The following USP45 variants were observed in gnomAD, a reference collection of about 807,000 sequenced individuals.
The protein encoded by USP45 is ubiquitin carboxyl-terminal hydrolase 45.
In USP45, 89 loss-of-function variants were observed where a neutral mutation model predicts 95.8. That is an observed-to-expected ratio of 0.93 (90% CI 0.78 to 1.11). The LOEUF (loss-of-function observed/expected upper bound fraction) is 1.11, where lower values mean the gene tolerates loss of function less well. Ranked by LOEUF, USP45 falls within the 50% of genes least tolerant of loss-of-function variation. The pLI is 0.00. For missense variants in USP45, 898 were observed against 942.5 expected (o/e 0.95, Z 0.62); for synonymous variants, 281 against 316.2 (o/e 0.89, Z 1.18).
chr6:99,516,268 C>T (rs1272295586), upstream of USP45, among the ~76,000 whole-genome samples: 1 of 152,208 alleles, frequency 6.6e-6, no homozygotes, highest in Admixed American at 6.5e-5. Context: ...CAGCACATTG[C>T]ATGTTTAGTA....
At chr6:99,504,306 A>AT (rs1196056944) in intron 4 of USP45, among the ~76,000 whole-genome samples, 12 of 152,006 alleles carry the variant, frequency 7.9e-5, no homozygotes, top group Admixed American at 3.9e-4. Context: ...CGCCCAGCTA[A>AT]TTTTTGTATT....
chr6:99,456,187 A>C (rs1484465550), intron 13 of USP45, among the ~76,000 whole-genome samples: 1 of 150,264 alleles, frequency 6.7e-6, no homozygotes, highest in Non-Finnish European at 1.5e-5. Flanking sequence ...GTAGAATGAT[A>C]GATATCAGAG....
At chr6:99,484,985 G>A (rs2128718122) in intron 7 of USP45, among the ~76,000 whole-genome samples, 1 of 151,864 alleles carries the variant, frequency 6.6e-6, no homozygotes, top group East Asian at 1.9e-4. Flanking sequence ...ATATTTTTTA[G>A]ACAGAATAAA....
At chr6:99,479,248 CAG>C (rs1791709889) in intron 8 of USP45, among the ~76,000 whole-genome samples, 7 of 151,798 alleles carry the variant, frequency 4.6e-5, no homozygotes, top group South Asian at 4.1e-4. Flanking sequence ...TTTAGAGAGA[CAG>C]GGGTGACAGG....
At chr6:99,501,974 T>A in intron 5 of USP45, 1 of 1,303,296 alleles carries the variant, frequency 7.7e-7, no homozygotes, top group Non-Finnish European at 1.0e-6. Context: ...CCTAGACAGT[T>A]TATGCTGAAG....
intron 4 of USP45, among the ~76,000 whole-genome samples, chr6:99,505,186 G>A (rs1173683386): frequency 6.6e-6 from 1 of 152,152 alleles, no homozygotes; most frequent in Non-Finnish European, 1.5e-5. Context: ...GAGGCAGAGG[G>A]TTAGGAAAGA....
intron 5 of USP45, among the ~76,000 whole-genome samples, chr6:99,496,391 C>T (rs1044998322): frequency 2.0e-5 from 3 of 151,604 alleles, no homozygotes; most frequent in Non-Finnish European, 2.9e-5. Flanking sequence ...CATACCACCA[C>T]TTACTTTCTT....
chr6:99,450,615 G>A (rs899875591), intron 13 of USP45, among the ~76,000 whole-genome samples: 13 of 152,280 alleles, frequency 8.5e-5, no homozygotes, highest in African/African-American at 2.9e-4. Flanking sequence ...ACAAGGAGGA[G>A]CTGGTACCAT....
intron 3 of USP45, 55 bp downstream of exon 3, chr6:99,508,555 A>G: frequency 1.3e-6 from 2 of 1,528,726 alleles, no homozygotes; most frequent in Non-Finnish European, 8.8e-7. Context: ...ACTCACAATA[A>G]GCATTTAAGG....
intron 5 of USP45, among the ~76,000 whole-genome samples, chr6:99,498,824 C>T (rs1228276212): frequency 6.6e-6 from 1 of 152,146 alleles, no homozygotes; most frequent in Admixed American, 6.5e-5. Context: ...CAGCTGTTTT[C>T]TACTAAGCCA....
rs1797923631 is a variant in USP45 at position 99,503,814 on chromosome 6, C to T, written c.429G>A (p.Leu143=). Reference sequence around the variant, plus strand: ...TCTGGAGAAAATCAACTATCTGAGCCAAAACCTTCTTATTACAATGCGTTG... The same window carrying T: ...TCTGGAGAAAATCAACTATCTGAGCTAAAACCTTCTTATTACAATGCGTTG... ...KLSTHCNKKV[L]AQIVDFLQKH... is the part of the protein sequence containing the mutation. Residue 143 remains leucine, a synonymous_variant, in exon 5 of 18, where the codon TTG becomes TTA. Coordinates refer to ENST00000500704, the MANE Select transcript of USP45 (RefSeq NM_001346022.3). The T allele has an allele frequency of 6.2e-7, 1 of 1,601,956 alleles. No homozygotes were observed. The highest frequency in any genetic ancestry group is 8.5e-7 in the Non-Finnish European group (1 of 1,174,394).
intron 13 of USP45, 43 bp downstream of exon 13, chr6:99,464,561 A>C (rs751755919): frequency 6.3e-7 from 1 of 1,578,966 alleles, no homozygotes; most frequent in Non-Finnish European, 8.6e-7. Context: ...TTTGTTAATA[A>C]ACTGTTAAAA....
chr6:99,455,255 G>A (rs1476754609), intron 13 of USP45, among the ~76,000 whole-genome samples: 1 of 151,868 alleles, frequency 6.6e-6, no homozygotes, highest in Non-Finnish European at 1.5e-5. Context: ...CACCAGCCTG[G>A]GGAACATGGT....
chr6:99,509,479 C>A (rs1311979132), intron 2 of USP45, among the ~76,000 whole-genome samples: 1 of 151,842 alleles, frequency 6.6e-6, no homozygotes, highest in Admixed American at 6.6e-5. Context: ...AAAAATATCC[C>A]TTTAAATGGA....
At chr6:99,442,325 T>C (rs994789704) in intron 15 of USP45, among the ~76,000 whole-genome samples, 31 of 152,316 alleles carry the variant, frequency 2.0e-4, no homozygotes, top group African/African-American at 7.5e-4. Context: ...CTGCTTCTGT[T>C]CTCTGTGTCA....
At chr6:99,510,091 C>T (rs1313905051) in intron 2 of USP45, 30 bp downstream of exon 2, 1 of 1,501,318 alleles carries the variant, frequency 6.7e-7, no homozygotes, top group Admixed American at 1.7e-5. Flanking sequence ...CTTCTCAACA[C>T]TATTTGGGAT....
intron 11 of USP45, 66 bp downstream of exon 11, chr6:99,466,606 G>C: frequency 7.5e-7 from 1 of 1,331,086 alleles, no homozygotes; most frequent in East Asian, 2.3e-5. Flanking sequence ...ATATGTGAAA[G>C]AAAATATAAT....
At chr6:99,511,841 GTGTGTATATATATA>G (rs1408094854) in intron 1 of USP45, among the ~76,000 whole-genome samples, 24,424 of 133,414 alleles carry the variant, frequency 0.18, 2,559 homozygotes, top group South Asian at 0.21. Flanking sequence ...GTATGTGAGT[GTGTGTATATATATA>G]TATATATATA....
chr6:99,512,014 T>C (rs1438795446), intron 1 of USP45, among the ~76,000 whole-genome samples: 2 of 151,936 alleles, frequency 1.3e-5, no homozygotes, highest in Non-Finnish European at 2.9e-5. Flanking sequence ...AGAAAATTAA[T>C]AATTTTCTAA....
Sources: allele counts gnomAD v4.1 joint callset (sites outside exome capture counted in the v4.1 genomes callset), GRCh38; gene constraint gnomAD v4.1.1; transcripts MANE v1.5; gene names NCBI Gene and HGNC (gene_info 2026-07-23, HGNC 2026-07-21).